Variants in BAHCC1 observed in about 807,000 individuals in gnomAD.
BAHCC1 encodes BAH domain and coiled-coil containing 1, also known as BAH and coiled-coil domain-containing protein 1.
A neutral mutation model predicts 88.2 loss-of-function variants in BAHCC1; 43 were observed. The observed-to-expected ratio is 0.49, with a 90% CI of 0.38 to 0.63. The LOEUF (loss-of-function observed/expected upper bound fraction) is 0.63. Ranked by LOEUF, BAHCC1 falls within the 20% of genes least tolerant of loss-of-function variation. BAHCC1 has a pLI of 0.00. For missense variants in BAHCC1, 3,023 were observed against 1,654.8 expected, an observed-to-expected ratio of 1.83 and a Z score of -14.34; for synonymous variants, 1,510 against 745.5, an observed-to-expected ratio of 2.03 and a Z score of -16.71.
At chr17:81,412,190 G>C (rs1239672151) in intron 2 of BAHCC1, among the ~76,000 whole-genome samples, 2 of 152,180 alleles carry the variant, frequency 1.3e-5, no homozygotes, top group Non-Finnish European at 2.9e-5. Context: ...GCCCTGCCGT[G>C]GGCCCTGGTC....
At chr17:81,446,715 ATTG>A (rs2064534677) in intron 10 of BAHCC1, 1 of 486,208 alleles carries the variant, frequency 2.1e-6, no homozygotes, top group African/African-American at 2.0e-5. Context: ...CGCCCAGCTC[ATTG>A]TTCTTTAATT....
chr17:81,397,922 ATTCAC>A (rs1166001406), intron 1 of BAHCC1, among the ~76,000 whole-genome samples: 1 of 152,254 alleles, frequency 6.6e-6, no homozygotes, highest in Non-Finnish European at 1.5e-5. Context: ...GCAAATATGT[ATTCAC>A]TTAATACATT....
At chr17:81,452,621 C>T in intron 13 of BAHCC1, 102 bp from the exon 14 acceptor site, 1 of 565,562 alleles carries the variant, frequency 1.8e-6, no homozygotes, top group Non-Finnish European at 3.1e-6. Context: ...CCGCATCTTT[C>T]CCCACACCCA....
At chr17:81,410,060 A>C in intron 2 of BAHCC1, 1 of 359,772 alleles carries the variant, frequency 2.8e-6, no homozygotes, top group East Asian at 1.1e-4. Context: ...CTACCTCTAA[A>C]ATGGGCAGTT....
rs781886784 is a variant in BAHCC1, at chr17:81,452,744, C to T, written c.4338C>T (p.Ser1446=). The T allele has an allele frequency of 1.1e-5, 8 of 752,322 alleles. No homozygotes were observed. Among genetic ancestry groups the T allele is most frequent in the South Asian group, 9.8e-5 (7 of 71,612 alleles). 46.6% of individuals were successfully genotyped at this position (752,322 alleles called of 1,614,324 possible). Residue 1446 remains serine (S), a synonymous_variant, in exon 14 of 28, where the codon AGC becomes AGT. Transcript: ENST00000675386. ...CCAGGAGAGACGAGAGTTCACGGAG[C>T]CCTGCACGGCGGGGGCCTGGCCGGC... is the stretch of plus-strand genomic sequence containing the variant. ...HDHERDESSR[S]PARRGPGRPR...
chr17:81,465,926 T>G lies in BAHCC1; in HGVS notation c.*2109T>G, dbSNP rs782367071. On this transcript the variant is annotated 3_prime_UTR_variant, in exon 28 of 28. Coordinates refer to ENST00000675386, the MANE Select transcript of BAHCC1 (RefSeq NM_001377448.1). ...TTGAGGCTCGGGGATCAGAACGATG[T>G]CAAGTGAAGAAAAATGCACGGGGGC... The G allele has an allele frequency of 4.6e-5, 7 of 152,494 alleles. No homozygotes were observed. The highest frequency in any genetic ancestry group is 2.6e-4 in the Admixed American group (4 of 15,282). 9.4% of individuals were successfully genotyped at this position (152,494 alleles called of 1,614,324 possible).
At position 81,458,313 on chromosome 17, in the gene BAHCC1, C is replaced by A; in HGVS notation, c.5190C>A (p.Gly1730=). Residue 1730 remains glycine, a synonymous_variant, in exon 18 of 28, where the codon GGC becomes GGA. Transcript: ENST00000675386. ...GKKKAKGKAK[G]SLRAEPGATP... ...AGAAAGCCAAGGGCAAGGCCAAGGGCAGCCTGCGGGCAGAGCCGGGGGCCA... is the reference window on the plus strand; with the variant it reads ...AGAAAGCCAAGGGCAAGGCCAAGGGAAGCCTGCGGGCAGAGCCGGGGGCCA... The A allele has an allele frequency of 1.3e-6, 1 of 749,818 alleles. No homozygotes were observed. The highest frequency in any genetic ancestry group is 1.8e-5 in the Admixed American group (1 of 54,458). The allele number at this position is 749,818 out of a possible 1,614,324, so 46.4% of individuals were successfully genotyped here.
chr17:81,426,038 ATGTGGCTCGTGGTGG>A (rs2064191026), intron 2 of BAHCC1, among the ~76,000 whole-genome samples: 11 of 106,350 alleles, frequency 1.0e-4, no homozygotes, highest in African/African-American at 1.2e-4. Context: ...GTTGGTGGTG[ATGTGGCTCGTGGTGG>A]TGGTGGTGGG....
rs370941292 is a variant in BAHCC1, at chr17:81,458,265, G to A, written c.5142G>A (p.Arg1714=). Residue 1714 remains arginine, a synonymous_variant, in exon 18 of 28, where the codon AGG becomes AGA. Coordinates refer to ENST00000675386, the MANE Select transcript of BAHCC1 (RefSeq NM_001377448.1). ...CCCTGGAGCGGGCCCCAGGGCAGAG[G>A]CCCCCAGGTGCGCTGGGCAAGAAGA... is the stretch of plus-strand genomic sequence containing the variant. The part of the protein sequence containing the change: ...GTTLERAPGQ[R]PPGALGKKKA... 2.7e-6 allele frequency: 2 copies of A among 746,042 alleles called. No individual in the cohort carries two copies. The highest frequency in any genetic ancestry group is 3.4e-5 in the African/African-American group (2 of 58,538). The allele number at this position is 746,042 out of a possible 1,614,324, so 46.2% of individuals were successfully genotyped here. A position where few individuals can be genotyped will look rare whatever the true frequency, so the allele number is the denominator to read the frequency against.
At chr17:81,416,162 ATGTGCGTG>A (rs2064020355) in intron 2 of BAHCC1, among the ~76,000 whole-genome samples, 1 of 118,920 alleles carries the variant, frequency 8.4e-6, no homozygotes, top group East Asian at 2.7e-4. Flanking sequence ...GGATGGGTGT[ATGTGCGTG>A]TGTGCATGTG....
intron 15 of BAHCC1, among the ~76,000 whole-genome samples, chr17:81,455,964 C>T (rs1184169744): frequency 6.6e-6 from 1 of 152,140 alleles, no homozygotes; most frequent in South Asian, 2.1e-4. Context: ...GGGGCTGATC[C>T]TTCTGCCCAG....
rs1347823017 is a variant in BAHCC1 at position 81,434,499 on chromosome 17, A to G, written c.359-3871A>G. Among the ~76,000 whole-genome samples, 1 of 152,098 alleles carries G rather than the reference A, an allele frequency of 6.6e-6. No homozygotes were observed. Among genetic ancestry groups the G allele is most frequent in the Non-Finnish European group, 1.5e-5 (1 of 67,986 alleles). On this transcript the variant is annotated intron_variant, in intron 3 of 27. Coordinates refer to ENST00000675386, the MANE Select transcript of BAHCC1 (RefSeq NM_001377448.1). The surrounding 1 kb of genome is among the most constrained non-coding windows in gnomAD (Gnocchi z 4.9). The stretch of plus-strand genomic sequence containing the variant: ...GGGCAGGGCGCTCGAGGTGTGCTTC[A>G]GCACCCCCAGAAGTTTGCTGAGCCT...
Position 81,443,098 on chromosome 17 carries a change from A to G in BAHCC1, c.1749A>G (p.Pro583=). Residue 583 remains proline (P), a synonymous_variant, in exon 5 of 28, where the codon CCA becomes CCG. Coordinates refer to ENST00000675386, the MANE Select transcript of BAHCC1 (RefSeq NM_001377448.1). ...GCTACAGTGGGCCCCACCTGCCCCC[A>G]TGGGGTGTCCAGGCAGGCCAGGGCA... ...SLGYSGPHLP[P]WGVQAGQGTA... 2 of 778,244 alleles carry G rather than the reference A, an allele frequency of 2.6e-6. No homozygotes were observed. Among genetic ancestry groups the G allele is most frequent in the Non-Finnish European group, 4.8e-6 (2 of 417,474 alleles). The allele number at this position is 778,244 out of a possible 1,614,324, so 48.2% of individuals were successfully genotyped here.
Position 81,399,621 on chromosome 17 carries a change from C to A in BAHCC1, c.-119C>A. On this transcript the variant is annotated 5_prime_UTR_variant, in exon 2 of 28. Transcript: ENST00000675386. This position sits in a 1 kb window ranked among gnomAD's most constrained non-coding sequence, Gnocchi z 4.5. Reference sequence around the variant, plus strand: ...TCCCGCGTGCTGACCGGCCCCGCCGCCACCACCGCCTGTGACCCCGGACGC... The same window carrying A: ...TCCCGCGTGCTGACCGGCCCCGCCGACACCACCGCCTGTGACCCCGGACGC... 1 of 648,176 alleles carries A rather than the reference C, an allele frequency of 1.5e-6. No individual in the cohort carries two copies. Among genetic ancestry groups the A allele is most frequent in the South Asian group, 2.0e-5 (1 of 49,538 alleles). The allele number at this position is 648,176 out of a possible 1,614,324, so 40.2% of individuals were successfully genotyped here.
intron 2 of BAHCC1, chr17:81,402,505 G>C (rs1238187160): frequency 6.6e-6 from 1 of 152,178 alleles, no homozygotes; most frequent in African/African-American, 2.4e-5. Context: ...TGGCTGGTTT[G>C]GCTGCCTTGC....
rs782798125 is a variant in BAHCC1, at chr17:81,441,853, G to C, written c.504G>C (p.Leu168=). ...TQKDNFYLRN[L]PPQPTLLPAN... ...CAGATAACTTCTACCTGCGCAACCT[G>C]CCGCCCCAGCCCACGCTGCTGCCGG... The change falls in exon 5 of 28, where the codon CTG becomes CTC. Residue 168 remains leucine, a synonymous_variant. Transcript: ENST00000675386. The C allele has an allele frequency of 1.5e-6, 1 of 661,860 alleles. No homozygotes were observed. The highest frequency in any genetic ancestry group is 2.8e-6 in the Non-Finnish European group (1 of 357,374). 41.0% of individuals were successfully genotyped at this position (661,860 alleles called of 1,614,324 possible).
In BAHCC1 at chr17:81,436,720, G is replaced by C. The variant is rs370775654; in HGVS notation, c.359-1650G>C. 4.6e-5 allele frequency among the ~76,000 whole-genome samples: 7 copies of C among 152,260 alleles called. No individual in the cohort carries two copies. The East Asian group carries it at 1.4e-3, about 29-fold the overall frequency. On this transcript the variant is annotated intron_variant, in intron 3 of 27. Transcript: ENST00000675386. ...CAGACCAGGCCAGTCGGCCAGGCTC[G>C]AGCCTCAGCCCCGTGTCCTCAGCTG...
In BAHCC1 at chr17:81,398,467, G is replaced by A. The variant is rs529119179; in HGVS notation, c.-206-1067G>A. On this transcript the variant is annotated intron_variant, in intron 1 of 27. Transcript: ENST00000675386. ...CGGCTAGAGGGCCGAGCTGGGCGCC[G>A]CAGACCCCGCGTACCCAGGCCGCCC... Among the ~76,000 whole-genome samples, 106 of 152,208 alleles carry A rather than the reference G, an allele frequency of 7.0e-4. 1 individual carries two copies. Among genetic ancestry groups the A allele is most frequent in the African/African-American group, 2.5e-3 (105 of 41,440 alleles).
chr17:81,443,740 T>C (rs1400546120), intron 5 of BAHCC1, 69 bp from the exon 6 acceptor site: 7 of 696,550 alleles, frequency 1.0e-5, no homozygotes, highest in Non-Finnish European at 1.8e-5. Flanking sequence ...GCGGGGTCAC[T>C]GCTTGCCTTA....
Sources: allele counts gnomAD v4.1 joint callset (sites outside exome capture counted in the v4.1 genomes callset), GRCh38; gene constraint gnomAD v4.1.1; non-coding constraint Gnocchi (gnomAD v3.1); transcripts MANE v1.5; gene names NCBI Gene and HGNC (gene_info 2026-07-23, HGNC 2026-07-21).